The following NEK5 variants were observed in gnomAD, a reference collection of about 807,000 sequenced individuals.
NEK5 encodes the protein serine/threonine-protein kinase Nek5.
Under a neutral mutation model 109.2 loss-of-function variants are expected in NEK5, and 88 were observed. That is an observed-to-expected ratio of 0.81 (90% confidence interval 0.68 to 0.96). The LOEUF is 0.96. NEK5 is among the 40% of genes least tolerant of loss of function. The pLI, the probability that NEK5 is intolerant of heterozygous loss-of-function variation, is 0.00. For synonymous variants in NEK5, 283 were observed against 299.9 expected (o/e 0.94, Z 0.58); for missense variants, 834 against 920.7 (o/e 0.91, Z 1.22).
chr13:52,128,699 A>T (rs1318745712), intron 1 of NEK5, among the ~76,000 whole-genome samples: 2 of 152,070 alleles, frequency 1.3e-5, no homozygotes, highest in African/African-American at 4.8e-5. Context: ...CTCGCCGGGA[A>T]CTGAGGGCCC....
At chr13:52,037,305 C>T (rs1399787831) in intron 23 of NEK5, 87 bp from the exon 24 acceptor site, 1 of 552,886 alleles carries the variant, frequency 1.8e-6, no homozygotes, top group East Asian at 1.5e-4. Flanking sequence ...TTCTCCATCC[C>T]CAGTTGAGCA....
At chr13:52,076,204 G>C in intron 17 of NEK5, 61 bp from the exon 18 acceptor site, 2 of 858,298 alleles carry the variant, frequency 2.3e-6, no homozygotes, top group Non-Finnish European at 3.7e-6. Flanking sequence ...TGATTTCTGC[G>C]TTAAATCTGA....
intron 3 of NEK5, among the ~76,000 whole-genome samples, chr13:52,121,354 C>G (rs1250711992): frequency 2.0e-5 from 3 of 151,904 alleles, no homozygotes; most frequent in Non-Finnish European, 4.4e-5. Flanking sequence ...GAGATGGGGT[C>G]TCACCATGTT....
At chr13:52,089,057 C>A (rs935904490) in intron 14 of NEK5, among the ~76,000 whole-genome samples, 190 bp downstream of exon 14, 2 of 151,558 alleles carry the variant, frequency 1.3e-5, no homozygotes, top group Admixed American at 6.6e-5. Flanking sequence ...CACCACTGCA[C>A]TCCAGCCTGG....
At chr13:52,127,301 A>C in intron 3 of NEK5, 65 bp downstream of exon 3, 1 of 866,308 alleles carries the variant, frequency 1.2e-6, no homozygotes, top group South Asian at 1.5e-5. Context: ...TTTCCTTTTT[A>C]TATTGGATTA....
chr13:52,127,452 C>G lies in NEK5; in HGVS notation c.31G>C (p.Gly11Arg). 1 of 1,611,222 alleles carries G rather than the reference C, an allele frequency of 6.2e-7. No individual in the cohort carries two copies. The highest frequency in any genetic ancestry group is 8.5e-7 in the Non-Finnish European group (1 of 1,177,328). The part of the protein sequence containing the change: MDKYDVIKAI[G>R]QGAFGKAYLA... ...TATGCTTTCCCGAAGGCACCTTGCCCGATGGCCTTAATCACATCGTACTTA... is the reference window on the plus strand; with the variant it reads ...TATGCTTTCCCGAAGGCACCTTGCCGGATGGCCTTAATCACATCGTACTTA... The change falls in exon 3 of 24, where the codon GGG (glycine) becomes CGG (arginine). Residue 11 changes from glycine (G) to arginine (R), a missense_variant. Gly to Arg is a moderately radical substitution (Grantham distance 125). Around this residue, in one of 2 missense-constraint regions of NEK5, gnomAD observed 777 missense variants for 824.7 expected, o/e 0.94. Coordinates refer to ENST00000684899, the MANE Select transcript of NEK5 (RefSeq NM_001365552.1).
intron 9 of NEK5, 142 bp downstream of exon 9, chr13:52,104,356 C>T: frequency 1.4e-6 from 1 of 709,600 alleles, no homozygotes; most frequent in South Asian, 1.6e-5. Flanking sequence ...CTTTCCATGT[C>T]ATCTATCATT....
chr13:52,110,270 T>C, intron 7 of NEK5, 70 bp downstream of exon 7: 2 of 997,492 alleles, frequency 2.0e-6, no homozygotes, highest in Non-Finnish European at 3.2e-6. Context: ...ATCTTCTTAA[T>C]CCATGATATC....
intron 4 of NEK5, among the ~76,000 whole-genome samples, chr13:52,116,178 C>CA (rs35020086): frequency 0.45 from 51,930 of 115,842 alleles, 13,695 homozygotes; most frequent in African/African-American, 0.74. Context: ...AAGACTGTCT[C>CA]AAAAAAAAAA....
Position 52,040,081 on chromosome 13 carries a change from C to CTT in NEK5, c.2229-2865_2229-2864dup, listed in dbSNP as rs59617490. 8.1e-4 allele frequency among the ~76,000 whole-genome samples: 98 copies of CTT among 120,360 alleles called. 1 individual carries two copies. Among genetic ancestry groups the CTT allele is most frequent in the African/African-American group, 2.6e-3 (85 of 33,138 alleles). 79.0% of individuals were successfully genotyped at this position (120,360 alleles called of 152,430 possible). A position where few individuals can be genotyped will look rare whatever the true frequency, so the allele number is the denominator to read the frequency against. Reference sequence around the variant, plus strand: ...TTACCAGACACCAAATCTACTGGCACTTTTTTTTTTTTTTTTTTTTTGAGA... The same window carrying CTT: ...TTACCAGACACCAAATCTACTGGCACTTTTTTTTTTTTTTTTTTTTTTTGAGA... On this transcript the variant is annotated intron_variant, in intron 23 of 23. Coordinates refer to ENST00000684899, the MANE Select transcript of NEK5 (RefSeq NM_001365552.1).
In NEK5 at chr13:52,127,519, A is replaced by G. The variant is rs1301550976; in HGVS notation, c.-22-15T>C. 1 of 1,099,828 alleles carries G rather than the reference A, an allele frequency of 9.1e-7. No individual in the cohort carries two copies. Among genetic ancestry groups the G allele is most frequent in the African/African-American group, 1.5e-5 (1 of 64,908 alleles). The allele number at this position is 1,099,828 out of a possible 1,614,324, so 68.1% of individuals were successfully genotyped here. A position where few individuals can be genotyped will look rare whatever the true frequency, so the allele number is the denominator to read the frequency against. The stretch of plus-strand genomic sequence containing the variant: ...GGCTGAGTTTCCTGGAATTAGAGTA[A>G]TGTAAATTTATCACACACGTCTCAT... On this transcript the variant is annotated splice_polypyrimidine_tract_variant and intron_variant, in intron 2 of 23. Transcript: ENST00000684899.
rs1476383402 is a variant in NEK5 at position 52,102,071 on chromosome 13, AACAGTC to A, written c.810+15_810+20del. On this transcript the variant is annotated intron_variant, in intron 10 of 23. Coordinates refer to ENST00000684899, the MANE Select transcript of NEK5 (RefSeq NM_001365552.1). ...AACCCAAAATCTCTGCCAAAATCCA[AACAGTC>A]ACCTCAAAACTTACCTCAGGAGTCA... is the stretch of plus-strand genomic sequence containing the variant. The A allele has an allele frequency of 6.2e-7, 1 of 1,612,442 alleles. No individual in the cohort carries two copies. Among genetic ancestry groups the A allele is most frequent in the Non-Finnish European group, 8.5e-7 (1 of 1,178,812 alleles).
chr13:52,061,669 A>G lies in NEK5; in HGVS notation c.2110+150T>C, dbSNP rs187450650. 40 of 172,100 alleles carry G rather than the reference A, an allele frequency of 2.3e-4. 2 individuals carry two copies. In the East Asian group the frequency reaches 7.2e-3, roughly 31 times the overall value. The allele number at this position is 172,100 out of a possible 1,614,324, so 10.7% of individuals were successfully genotyped here. On this transcript the variant is annotated intron_variant, in intron 22 of 23. Transcript: ENST00000684899. The stretch of plus-strand genomic sequence containing the variant: ...TTTTGTTAGTAGCATTTGGAATAGG[A>G]TTGGACAAAGCAAATCAGCTTCTGA...
intron 22 of NEK5, among the ~76,000 whole-genome samples, chr13:52,052,681 A>T (rs1281850199): frequency 2.0e-5 from 3 of 152,198 alleles, no homozygotes; most frequent in African/African-American, 7.2e-5. Flanking sequence ...TTGTAAAAAA[A>T]AAAGATTTAT....
chr13:52,075,951 T>C (rs976697816), intron 18 of NEK5, 112 bp downstream of exon 18: 20 of 905,440 alleles, frequency 2.2e-5, no homozygotes, highest in Non-Finnish European at 3.1e-5. Context: ...TATCACAAAA[T>C]AGAGCAATTC....
chr13:52,113,424 A>G (rs1955793771), intron 4 of NEK5, among the ~76,000 whole-genome samples: 1 of 152,188 alleles, frequency 6.6e-6, no homozygotes, highest in Admixed American at 6.5e-5. Context: ...TTATTCCTCC[A>G]AAAGCTATGC....
rs1216268965 is a variant in NEK5 at position 52,100,277 on chromosome 13, T to C, written c.893-401A>G. Reference sequence around the variant, plus strand: ...TGAGTAGATCTTCTCTCTTTTTTTTTTGTTGAGACAGTCTCACTCTGTCAC... The same window carrying C: ...TGAGTAGATCTTCTCTCTTTTTTTTCTGTTGAGACAGTCTCACTCTGTCAC... On this transcript the variant is annotated intron_variant, in intron 11 of 23. Coordinates refer to ENST00000684899, the MANE Select transcript of NEK5 (RefSeq NM_001365552.1). Among the ~76,000 whole-genome samples the C allele has an allele frequency of 3.3e-5, 5 of 152,270 alleles. No homozygotes were observed. The East Asian group carries it at 9.6e-4, about 29-fold the overall frequency.
chr13:52,077,184 A>G (rs1296617770), intron 17 of NEK5, among the ~76,000 whole-genome samples: 1 of 152,222 alleles, frequency 6.6e-6, no homozygotes, highest in Non-Finnish European at 1.5e-5. Context: ...CAACTTCTCT[A>G]ACTCAATGTC....
intron 16 of NEK5, 120 bp downstream of exon 16, chr13:52,086,157 T>G: frequency 2.7e-6 from 2 of 733,302 alleles, no homozygotes; most frequent in Non-Finnish European, 4.8e-6. Context: ...GAAGTCTACA[T>G]GATTATCTCT....
Sources: allele counts gnomAD v4.1 joint callset (sites outside exome capture counted in the v4.1 genomes callset), GRCh38; gene constraint gnomAD v4.1.1; regional missense constraint gnomAD v4.1.1; transcripts MANE v1.5; gene names NCBI Gene and HGNC (gene_info 2026-07-23, HGNC 2026-07-21).